GNPTAB: variants seen among roughly 807,000 people sequenced by gnomAD.
GNPTAB encodes the protein N-acetylglucosamine-1-phosphate transferase subunits alpha and beta, also known as N-acetylglucosamine-1-phosphotransferase subunits alpha/beta.
GNPTAB carries 92 observed loss-of-function variants against 136.6 expected under a neutral mutation model. The ratio of observed to expected loss-of-function variants is 0.67; its 90% confidence interval spans 0.57 to 0.80. The LOEUF (loss-of-function observed/expected upper bound fraction) is 0.80, where lower values mean the gene tolerates loss of function less well. Ranked by LOEUF, GNPTAB falls within the 30% of genes least tolerant of loss-of-function variation. GNPTAB has a pLI of 0.00. For missense variants in GNPTAB, 1,343 were observed against 1,501.8 expected, an observed-to-expected ratio of 0.89 and a Z score of 1.75; for synonymous variants, 512 against 535.1, an observed-to-expected ratio of 0.96 and a Z score of 0.60.
chr12:101,785,060 T>C (rs1013473722), intron 5 of GNPTAB, among the ~76,000 whole-genome samples: 2 of 152,214 alleles, frequency 1.3e-5, no homozygotes, highest in African/African-American at 4.8e-5. Context: ...TGTTGTCTTA[T>C]AAATAACAGA....
At chr12:101,782,528 C>T (rs112156015) in intron 5 of GNPTAB, among the ~76,000 whole-genome samples, 276 of 152,306 alleles carry the variant, frequency 1.8e-3, no homozygotes, top group African/African-American at 6.5e-3. Context: ...CTTCACTGCA[C>T]CTCCCTGGTC....
intron 1 of GNPTAB, among the ~76,000 whole-genome samples, chr12:101,828,648 C>A (rs185163087): frequency 3.5e-4 from 53 of 152,184 alleles, no homozygotes; most frequent in Middle Eastern, 6.8e-3. Flanking sequence ...CGAGATTGCG[C>A]CATTGCACTC....
intron 13 of GNPTAB, 122 bp downstream of exon 13, chr12:101,764,080 A>G: frequency 2.4e-6 from 3 of 1,271,894 alleles, no homozygotes; most frequent in Non-Finnish European, 3.3e-6. Flanking sequence ...CCATGTAAGA[A>G]AAGCATTTAG....
At chr12:101,780,712 A>G in intron 5 of GNPTAB, 91 bp from the exon 6 acceptor site, 2 of 896,310 alleles carry the variant, frequency 2.2e-6, no homozygotes, top group Non-Finnish European at 3.7e-6. Context: ...TCTGAGAGCT[A>G]TTAAAGCAGC....
At chr12:101,773,433 A>G in intron 7 of GNPTAB, 1 of 224,244 alleles carries the variant, frequency 4.5e-6, no homozygotes, top group Non-Finnish European at 9.1e-6. Context: ...GTCGGAAGGC[A>G]GTGGGCGAAG....
At chr12:101,753,320 T>C in intron 19 of GNPTAB, 52 bp downstream of exon 19, 3 of 1,260,574 alleles carry the variant, frequency 2.4e-6, no homozygotes, top group Non-Finnish European at 1.2e-6. Context: ...TAGATACATA[T>C]GCATGTATAC....
At chr12:101,780,341 C>T (rs1953323325) in intron 6 of GNPTAB, 55 bp from the exon 7 acceptor site, 4 of 1,581,932 alleles carry the variant, frequency 2.5e-6, no homozygotes, top group Admixed American at 1.7e-5. Flanking sequence ...CTGGTGAAAA[C>T]CTACAGCTGA....
intron 1 of GNPTAB, among the ~76,000 whole-genome samples, chr12:101,802,387 G>C (rs760763485): frequency 4.6e-5 from 7 of 152,048 alleles, no homozygotes; most frequent in Non-Finnish European, 1.0e-4. Flanking sequence ...CCAATTTGCT[G>C]ATTAATTGGA....
chr12:101,765,247 A>C lies in GNPTAB; in HGVS notation c.1670T>G (p.Ile557Ser), dbSNP rs999380716. 8.1e-6 allele frequency: 13 copies of C among 1,614,038 alleles called. No individual in the cohort carries two copies. Among genetic ancestry groups the C allele is most frequent in the Non-Finnish European group, 1.0e-5 (12 of 1,179,886 alleles). The change falls in exon 13 of 21, where the codon ATT becomes AGT. Residue 557 changes from isoleucine to serine, a missense_variant. By Grantham distance (142) the Ile-to-Ser change is moderately radical. Transcript: ENST00000299314. ...ATAAGGCAGGCATTCACCTTTTGGA[A>C]TAATATAGTGAGTCTGGTTTGGGAG... ...ILLPNQTHYI[I>S]PKGECLPYFS...
intron 11 of GNPTAB, 65 bp downstream of exon 11, chr12:101,767,972 T>C: frequency 6.6e-7 from 1 of 1,519,516 alleles, no homozygotes; most frequent in Non-Finnish European, 9.1e-7. Context: ...TAGCACATGT[T>C]CAATAATGAT....
At chr12:101,783,832 A>G (rs750005370) in intron 5 of GNPTAB, among the ~76,000 whole-genome samples, 2 of 151,548 alleles carry the variant, frequency 1.3e-5, no homozygotes, top group Admixed American at 6.6e-5. Flanking sequence ...CTACCATCTC[A>G]GCCTCCCAAG....
intron 1 of GNPTAB, among the ~76,000 whole-genome samples, chr12:101,800,861 C>T (rs973913502): frequency 3.3e-5 from 5 of 151,956 alleles, no homozygotes; most frequent in African/African-American, 1.2e-4. Flanking sequence ...TTAATTGGTA[C>T]CTTGAAGCTT....
At chr12:101,809,899 G>A (rs1870128775) in intron 1 of GNPTAB, among the ~76,000 whole-genome samples, 1 of 152,194 alleles carries the variant, frequency 6.6e-6, no homozygotes, top group Non-Finnish European at 1.5e-5. Flanking sequence ...GAATCCTAGT[G>A]TAATCTATGT....
In GNPTAB at chr12:101,753,462, A is replaced by C. The variant is rs1227851433; in HGVS notation, c.3512T>G (p.Phe1171Cys). Residue 1171 changes from phenylalanine (F) to cysteine (C), a missense_variant, in exon 19 of 21, where the codon TTC becomes TGC. Phe to Cys is a radical substitution (Grantham distance 205). Transcript: ENST00000299314. ...AGGTATGGGGAACATGGATTCATAG[A>C]AGTCCCTGAGAACAGCCTTCACTGT... ...AQTVKAVLRD[F>C]YESMFPIPSQ... 9 of 1,613,750 alleles carry C rather than the reference A, an allele frequency of 5.6e-6. No homozygotes were observed. Among genetic ancestry groups the C allele is most frequent in the Non-Finnish European group, 7.6e-6 (9 of 1,179,652 alleles).
intron 1 of GNPTAB, among the ~76,000 whole-genome samples, chr12:101,830,004 C>CAAAAAA (rs35884808): frequency 3.2e-4 from 34 of 105,956 alleles, no homozygotes; most frequent in East Asian, 1.0e-3. Flanking sequence ...AACCTCCTAC[C>CAAAAAA]AAAAAAAAAA....
At chr12:101,795,794 C>G (rs1566090103) in intron 2 of GNPTAB, 1 of 152,234 alleles carries the variant, frequency 6.6e-6, no homozygotes, top group South Asian at 2.1e-4. Context: ...AAAATAAACA[C>G]CTTTTATAAT....
chr12:101,796,049 A>T, intron 2 of GNPTAB: 1 of 514,944 alleles, frequency 1.9e-6, no homozygotes. Flanking sequence ...AAAGACCCAC[A>T]CTAATGAGGT....
chr12:101,747,471 G>C (rs1287704825), intron 20 of GNPTAB, among the ~76,000 whole-genome samples: 1 of 152,122 alleles, frequency 6.6e-6, no homozygotes, highest in Non-Finnish European at 1.5e-5. Context: ...AGAGACCCAA[G>C]AGGATTAAAA....
intron 1 of GNPTAB, chr12:101,810,630 A>G (rs1288294143): frequency 6.6e-6 from 1 of 151,890 alleles, no homozygotes; most frequent in East Asian, 1.9e-4. Flanking sequence ...GTGGTGAATA[A>G]GACAGAAAGG....
Sources: gnomAD v4.1 joint callset for allele counts (sites outside exome capture counted in the v4.1 genomes callset) on GRCh38, gnomAD v4.1.1 for gene constraint, MANE v1.5 for transcripts, NCBI Gene and HGNC (gene_info 2026-07-23, HGNC 2026-07-21) for gene names.